The following PRKD1 variants were observed in gnomAD, a reference collection of about 807,000 sequenced individuals.
PRKD1 encodes serine/threonine-protein kinase D1.
Under a neutral mutation model 95.9 loss-of-function variants are expected in PRKD1, and 63 were observed. The observed-to-expected ratio is 0.66, with a 90% CI of 0.54 to 0.81. The LOEUF is 0.81. PRKD1 is among the 30% of genes least tolerant of loss of function. The pLI is 0.00. For missense variants in PRKD1, 1,048 were observed against 1,165.3 expected, an observed-to-expected ratio of 0.90 and a Z score of 1.47; for synonymous variants, 425 against 423.1, an observed-to-expected ratio of 1.00 and a Z score of -0.05.
At chr14:29,843,706 C>T (rs2139322436) in intron 1 of PRKD1, among the ~76,000 whole-genome samples, 1 of 152,284 alleles carries the variant, frequency 6.6e-6, no homozygotes, top group Non-Finnish European at 1.5e-5. Flanking sequence ...GACAAACATT[C>T]CTACCTACAA....
chr14:29,819,564 C>T (rs1462710465), intron 1 of PRKD1, among the ~76,000 whole-genome samples: 3 of 152,048 alleles, frequency 2.0e-5, no homozygotes. Flanking sequence ...GTGGCGGGCG[C>T]CTGTAGTCCC....
intron 13 of PRKD1, among the ~76,000 whole-genome samples, chr14:29,604,714 C>T (rs1041946732): frequency 6.6e-6 from 1 of 151,974 alleles, no homozygotes; most frequent in African/African-American, 2.4e-5. Flanking sequence ...TCCTTAAACG[C>T]CTTATTAAAG....
intron 1 of PRKD1, among the ~76,000 whole-genome samples, chr14:29,811,107 G>A (rs1890465016): frequency 6.6e-6 from 1 of 152,170 alleles, no homozygotes; most frequent in Non-Finnish European, 1.5e-5. Context: ...TACATAATTT[G>A]CAGGGCCCCT....
In PRKD1 at chr14:29,767,747, C is replaced by T. The variant is rs547827278; in HGVS notation, c.265-42073G>A. ...ACATTGTTACCTGAAAATCAGTCAACAAACACCTCAGAATCTCTCTCTCAG... is the reference window on the plus strand; with the variant it reads ...ACATTGTTACCTGAAAATCAGTCAATAAACACCTCAGAATCTCTCTCTCAG... On this transcript the variant is annotated intron_variant, in intron 1 of 17. Coordinates refer to ENST00000331968, the MANE Select transcript of PRKD1 (RefSeq NM_002742.3). 1.1e-4 allele frequency among the ~76,000 whole-genome samples: 16 copies of T among 152,320 alleles called. No individual in the cohort carries two copies. In the East Asian group the frequency reaches 2.9e-3, roughly 28 times the overall value.
intron 2 of PRKD1, among the ~76,000 whole-genome samples, chr14:29,707,483 T>C (rs567171907): frequency 1.3e-5 from 2 of 152,326 alleles, no homozygotes; most frequent in African/African-American, 2.4e-5. Context: ...ACTGAGAATA[T>C]AGCATATAGC....
intron 1 of PRKD1, among the ~76,000 whole-genome samples, chr14:29,811,021 T>G (rs1890461857): frequency 6.6e-6 from 1 of 152,158 alleles, no homozygotes; most frequent in South Asian, 2.1e-4. Context: ...AAATATAGGA[T>G]GATGCAGTGA....
chr14:29,924,926 G>A (rs1394140349), intron 1 of PRKD1, among the ~76,000 whole-genome samples: 1 of 152,076 alleles, frequency 6.6e-6, no homozygotes, highest in Non-Finnish European at 1.5e-5. Context: ...TATTCTGAAA[G>A]AGATGACAAA....
At chr14:29,616,446 G>T (rs940049437) in intron 13 of PRKD1, among the ~76,000 whole-genome samples, 4 of 147,718 alleles carry the variant, frequency 2.7e-5, no homozygotes, top group East Asian at 2.0e-4. Context: ...ATCGTTTATG[G>T]TTTTTTTTTT....
At chr14:29,840,636 T>G (rs1305487080) in intron 1 of PRKD1, among the ~76,000 whole-genome samples, 1 of 152,172 alleles carries the variant, frequency 6.6e-6, no homozygotes, top group African/African-American at 2.4e-5. Flanking sequence ...GAAAGATGTT[T>G]AATGGACTTA....
At chr14:29,649,934 G>C in intron 4 of PRKD1, among the ~76,000 whole-genome samples, 1 of 152,150 alleles carries the variant, frequency 6.6e-6, no homozygotes, top group Non-Finnish European at 1.5e-5. Flanking sequence ...TCTACTAAGA[G>C]ACCTGTAGCC....
chr14:29,819,223 A>G (rs1890810331), intron 1 of PRKD1, among the ~76,000 whole-genome samples: 1 of 152,230 alleles, frequency 6.6e-6, no homozygotes, highest in Non-Finnish European at 1.5e-5. Context: ...TACTTTATCA[A>G]TGACAAATTT....
At chr14:29,695,491 G>A (rs760249272) in intron 2 of PRKD1, among the ~76,000 whole-genome samples, 7 of 152,150 alleles carry the variant, frequency 4.6e-5, no homozygotes, top group South Asian at 2.1e-4. Context: ...ATTTGATAAC[G>A]GAGCAGAGGT....
intron 1 of PRKD1, among the ~76,000 whole-genome samples, chr14:29,840,810 T>C (rs1259088326): frequency 6.6e-6 from 1 of 152,202 alleles, no homozygotes; most frequent in Non-Finnish European, 1.5e-5. Flanking sequence ...CCACTCACTA[T>C]GACGAGAACA....
At position 29,826,762 on chromosome 14, in the gene PRKD1, T is replaced by TATATATACACATATATATAC. The variant is rs1473779345; in HGVS notation, c.264+100467_264+100486dup. Among the ~76,000 whole-genome samples the TATATATACACATATATATAC allele has an allele frequency of 2.9e-4, 14 of 48,814 alleles. 3 individuals carry two copies. Among genetic ancestry groups the TATATATACACATATATATAC allele is most frequent in the Middle Eastern group, 0.017 (1 of 60 alleles). 32.0% of individuals were successfully genotyped at this position (48,814 alleles called of 152,430 possible). A position where few individuals can be genotyped will look rare whatever the true frequency, so the allele number is the denominator to read the frequency against. On this transcript the variant is annotated intron_variant, in intron 1 of 17. Transcript: ENST00000331968. ...ATATATACACATATATATATACATATATATATACACATATATATACATATA... is the reference window on the plus strand; with the variant it reads ...ATATATACACATATATATATACATATATATATACACATATATATACATATATACACATATATATACATATA...
At chr14:29,805,077 A>G (rs1594534385) in intron 1 of PRKD1, among the ~76,000 whole-genome samples, 1 of 152,242 alleles carries the variant, frequency 6.6e-6, no homozygotes, top group Non-Finnish European at 1.5e-5. Context: ...AATAGCCTTA[A>G]GAATAACATG....
chr14:29,613,756 G>T (rs1594362582), intron 13 of PRKD1, among the ~76,000 whole-genome samples: 1 of 152,216 alleles, frequency 6.6e-6, no homozygotes, highest in Non-Finnish European at 1.5e-5. Context: ...CATATCAAAG[G>T]TTCTCCATGA....
chr14:29,622,457 G>T (rs1879340607), intron 13 of PRKD1, among the ~76,000 whole-genome samples: 1 of 149,378 alleles, frequency 6.7e-6, no homozygotes, highest in Non-Finnish European at 1.5e-5. Flanking sequence ...AGGCTGGAGG[G>T]CAATGGCACG....
At chr14:29,787,353 T>C (rs539455131) in intron 1 of PRKD1, among the ~76,000 whole-genome samples, 97 of 152,084 alleles carry the variant, frequency 6.4e-4, no homozygotes, top group African/African-American at 2.1e-3. Context: ...GTTTGGTTTA[T>C]ATATAGTGCA....
chr14:29,914,205 T>C (rs1894814839), intron 1 of PRKD1, among the ~76,000 whole-genome samples: 1 of 152,182 alleles, frequency 6.6e-6, no homozygotes, highest in Admixed American at 6.5e-5. Context: ...GGAAGTTACG[T>C]GTTGGCATTA....
Sources: gnomAD v4.1 joint callset for allele counts (sites outside exome capture counted in the v4.1 genomes callset) on GRCh38, gnomAD v4.1.1 for gene constraint, MANE v1.5 for transcripts, NCBI Gene and HGNC (gene_info 2026-07-23, HGNC 2026-07-21) for gene names.